EIF3K: variants seen among roughly 807,000 people sequenced by gnomAD.
EIF3K encodes eIF-3 p28.
EIF3K carries 27 observed loss-of-function variants against 34.2 expected under a neutral mutation model. That is an observed-to-expected ratio of 0.79 (90% CI 0.58 to 1.09). EIF3K has a LOEUF of 1.09. Among genes scored for constraint, EIF3K ranks in the 50% least tolerant of loss-of-function variants. The pLI, the probability that EIF3K is intolerant of heterozygous loss-of-function variation, is 0.00. For synonymous variants in EIF3K, 105 were observed against 105.7 expected, an observed-to-expected ratio of 0.99 and a Z score of 0.04; for missense variants, 232 against 275.4, an observed-to-expected ratio of 0.84 and a Z score of 1.11.
chr19:38,626,633 G>A (rs1423839040), intron 4 of EIF3K, among the ~76,000 whole-genome samples: 1 of 152,180 alleles, frequency 6.6e-6, no homozygotes, highest in Non-Finnish European at 1.5e-5. Flanking sequence ...GCAAGACCCT[G>A]TCTCAAGAAA....
chr19:38,622,915 TTC>T (rs772387153), intron 2 of EIF3K, among the ~76,000 whole-genome samples: 4 of 152,354 alleles, frequency 2.6e-5, no homozygotes, highest in East Asian at 1.9e-4. Context: ...GAGTTTAAGG[TTC>T]TCTCTCTCAT....
intron 3 of EIF3K, 118 bp from the exon 4 acceptor site, chr19:38,625,910 G>C: frequency 1.0e-6 from 1 of 958,718 alleles, no homozygotes; most frequent in Non-Finnish European, 1.7e-6. Flanking sequence ...TTTTCCAGCT[G>C]TTTTTCTGAG....
rs527527475 is a variant in EIF3K, at chr19:38,636,800, C to T, written c.626-89C>T. The T allele has an allele frequency of 9.9e-5, 146 of 1,469,848 alleles. 3 individuals are homozygous for T. The South Asian group carries it at 1.5e-3, about 15-fold the overall frequency. The allele number at this position is 1,469,848 out of a possible 1,614,324, so 91.1% of individuals were successfully genotyped here. On this transcript the variant is annotated intron_variant, in intron 7 of 7. Transcript: ENST00000248342. ...GGGCCTGGAAGGAGTTTATGATCTC[C>T]CCCTAAAGAATTGTGGGTGCTGTAG...
At chr19:38,620,234 G>C (rs1975809250) in intron 1 of EIF3K, 103 bp from the exon 2 acceptor site, 2 of 891,496 alleles carry the variant, frequency 2.2e-6, no homozygotes, top group Admixed American at 2.1e-5. Flanking sequence ...CAGATTTAGA[G>C]GGGAAGGGCG....
At position 38,632,655 on chromosome 19, in the gene EIF3K, C is replaced by A; in HGVS notation, c.476C>A (p.Ala159Asp). ...CAGCACATTGACCGCTGGCTGCTGGCCGAGATGCTCGGGGATCTGTCGGGT... is the reference window on the plus strand; with the variant it reads ...CAGCACATTGACCGCTGGCTGCTGGACGAGATGCTCGGGGATCTGTCGGGT... ...TYQHIDRWLLAEMLGDLSDSQ... is the reference protein window; with the variant it reads ...TYQHIDRWLLDEMLGDLSDSQ... The change falls in exon 6 of 8, where the codon GCC becomes GAC. Residue 159 changes from alanine to aspartate, a missense_variant. By Grantham distance (126) the Ala-to-Asp change is moderately radical (BLOSUM62 -2). Transcript: ENST00000248342. 6.2e-7 allele frequency: 1 copy of A among 1,613,536 alleles called. No homozygotes were observed. Among genetic ancestry groups the A allele is most frequent in the Non-Finnish European group, 8.5e-7 (1 of 1,179,758 alleles).
chr19:38,620,540 A>G, intron 2 of EIF3K, 105 bp downstream of exon 2: 5 of 963,546 alleles, frequency 5.2e-6, no homozygotes, highest in Non-Finnish European at 8.0e-6. Flanking sequence ...ACAATGCAGC[A>G]TCTCTTGGTG....
intron 7 of EIF3K, 151 bp downstream of exon 7, chr19:38,635,269 G>T: frequency 8.8e-7 from 1 of 1,140,714 alleles, no homozygotes. Flanking sequence ...TTGTGTCTTG[G>T]GGCTCCCGCC....
intron 6 of EIF3K, among the ~76,000 whole-genome samples, chr19:38,634,210 C>T (rs1976136525): frequency 6.8e-6 from 1 of 147,360 alleles, no homozygotes; most frequent in Non-Finnish European, 1.5e-5. Flanking sequence ...AATTCTCCTG[C>T]CTCAGCCTTC....
chr19:38,629,263 GTTTGTTTGTTTTGTTTTGT>G (rs1976010487), intron 4 of EIF3K, among the ~76,000 whole-genome samples: 1 of 147,532 alleles, frequency 6.8e-6, no homozygotes, highest in African/African-American at 2.6e-5. Context: ...GGTTTTTTTT[GTTTGTTTGTTTTGTTTTGT>G]TTTGTTTTGT....
chr19:38,631,229 A>C (rs565267253), intron 4 of EIF3K, among the ~76,000 whole-genome samples: 65 of 152,308 alleles, frequency 4.3e-4, no homozygotes, highest in African/African-American at 1.5e-3. Context: ...CAAAGTATAG[A>C]GAAAGAGAAA....
Position 38,635,100 on chromosome 19 carries a change from G to A in EIF3K, c.607G>A (p.Glu203Lys). Residue 203 changes from glutamate (E) to lysine (K), a missense_variant, in exon 7 of 8, where the codon GAG becomes AAG. Physicochemically the swap from Glu to Lys is moderately conservative, Grantham distance 56 (BLOSUM62 1). Transcript: ENST00000248342. ...GAGCATTAAACCCAAGAACATTGTG[G>A]AGAAGATTGACTTTGACAGTGAGTG... is the stretch of plus-strand genomic sequence containing the variant. ...EESIKPKNIV[E>K]KIDFDSVSSI... 1 of 1,614,204 alleles carries A rather than the reference G, an allele frequency of 6.2e-7. No homozygotes were observed.
At chr19:38,632,196 A>G (rs1976083832) in intron 4 of EIF3K, 1 of 497,272 alleles carries the variant, frequency 2.0e-6, no homozygotes, top group Non-Finnish European at 3.6e-6. Context: ...TGGGCAGATC[A>G]CTTGAGCCCA....
chr19:38,619,394 C>A, intron 1 of EIF3K, 67 bp downstream of exon 1: 3 of 1,579,318 alleles, frequency 1.9e-6, no homozygotes, highest in South Asian at 1.1e-5. Context: ...CCGGAGACAG[C>A]AAGGGGTGTT....
chr19:38,635,312 C>T, intron 7 of EIF3K, 194 bp downstream of exon 7: 2 of 759,688 alleles, frequency 2.6e-6, no homozygotes, highest in South Asian at 3.5e-5. Flanking sequence ...GGTGATCTTC[C>T]CTGGAACTTC....
rs1056760296 is a variant in EIF3K, at chr19:38,626,253, C to A, written c.354+151C>A. ...TGTGTTTGTGGAATTATCATCCTCT[C>A]GCGGAGCAGGTACTCACAGGTCATC... On this transcript the variant is annotated intron_variant, in intron 4 of 7. Coordinates refer to ENST00000248342, the MANE Select transcript of EIF3K (RefSeq NM_013234.4). 4.8e-5 allele frequency: 36 copies of A among 743,952 alleles called. No homozygotes were observed. In the South Asian group the frequency reaches 5.3e-4, roughly 11 times the overall value. 46.1% of individuals were successfully genotyped at this position (743,952 alleles called of 1,614,324 possible). A position where few individuals can be genotyped will look rare whatever the true frequency, so the allele number is the denominator to read the frequency against.
intron 6 of EIF3K, among the ~76,000 whole-genome samples, chr19:38,633,157 A>G (rs1464458878): frequency 6.6e-6 from 1 of 152,054 alleles, no homozygotes; most frequent in Non-Finnish European, 1.5e-5. Flanking sequence ...GCCAGGGTGT[A>G]TGTGGCCAGA....
intron 7 of EIF3K, among the ~76,000 whole-genome samples, chr19:38,636,049 C>A (rs1976183423): frequency 6.6e-6 from 1 of 152,252 alleles, no homozygotes; most frequent in Admixed American, 6.5e-5. Flanking sequence ...TGCGCACTTG[C>A]AGCCCGTGGT....
chr19:38,620,114 G>A (rs778027021), intron 1 of EIF3K, among the ~76,000 whole-genome samples: 4 of 152,212 alleles, frequency 2.6e-5, no homozygotes, highest in Non-Finnish European at 5.9e-5. Context: ...GGAAGAGCCA[G>A]GGCTCCAGTG....
At position 38,629,636 on chromosome 19, in the gene EIF3K, G is replaced by A. The variant is rs182278673; in HGVS notation, c.355-2794G>A. Among the ~76,000 whole-genome samples, 261 of 152,244 alleles carry A rather than the reference G, an allele frequency of 1.7e-3. 5 individuals are homozygous for A. Among genetic ancestry groups the A allele is most frequent in the Admixed American group, 0.016 (250 of 15,276 alleles). ...CCCACCTCACTGGCTACACCTTCCC[G>A]GCATCCATGTGGGGGATTCCCTCCC... On this transcript the variant is annotated intron_variant, in intron 4 of 7. Transcript: ENST00000248342.
Sources: gnomAD v4.1 joint callset for allele counts (sites outside exome capture counted in the v4.1 genomes callset) on GRCh38, gnomAD v4.1.1 for gene constraint, MANE v1.5 for transcripts, NCBI Gene and HGNC (gene_info 2026-07-23, HGNC 2026-07-21) for gene names.